MYO10: variants seen among roughly 807,000 people sequenced by gnomAD.
MYO10 encodes the protein unconventional myosin-X.
MYO10 carries 133 observed loss-of-function variants against 257.3 expected under a neutral mutation model. That is an observed-to-expected ratio of 0.52 (90% CI 0.45 to 0.60). The LOEUF is 0.60. Among genes scored for constraint, MYO10 ranks in the 20% least tolerant of loss-of-function variants. The pLI is 0.00. For synonymous variants in MYO10, 1,104 were observed against 1,028.6 expected, an observed-to-expected ratio of 1.07 and a Z score of -1.40; for missense variants, 2,399 against 2,635.7, an observed-to-expected ratio of 0.91 and a Z score of 1.97.
chr5:16,882,379 C>A (rs1185710068), intron 1 of MYO10, among the ~76,000 whole-genome samples: 3 of 151,972 alleles, frequency 2.0e-5, no homozygotes, highest in Non-Finnish European at 4.4e-5. Context: ...TAAACATAAT[C>A]TTATCATATA....
At chr5:16,812,246 G>GA (rs5866208) in intron 3 of MYO10, among the ~76,000 whole-genome samples, 36,116 of 152,120 alleles carry the variant, frequency 0.24, 5,135 homozygotes, top group East Asian at 0.4. Context: ...AAGAGCCTGG[G>GA]GTTCCAGGAA....
chr5:16,774,741 A>G (rs576623973), intron 9 of MYO10, among the ~76,000 whole-genome samples: 85 of 152,244 alleles, frequency 5.6e-4, no homozygotes, highest in Admixed American at 1.8e-3. Flanking sequence ...TTTATCAAGT[A>G]ATATTATATT....
Position 16,670,737 on chromosome 5 carries a change from C to T in MYO10, c.5672G>A (p.Arg1891Gln), listed in dbSNP as rs1032123768. The T allele has an allele frequency of 8.7e-6, 14 of 1,614,046 alleles. No individual in the cohort carries two copies. In the Admixed American group the frequency reaches 1.2e-4, roughly 13 times the overall value. Reference protein sequence around the residue: ...RTSFLEGTLRRSFRTGSVVRQ... With the variant: ...RTSFLEGTLRQSFRTGSVVRQ... ...GACCACGGATCCTGTCCGGAAGCTC[C>T]GCCTCAGGGTCCCCTCTAGGAAGCT... The change falls in exon 39 of 41, where the codon CGG (arginine) becomes CAG (glutamine). Residue 1891 changes from arginine to glutamine, a missense_variant. Coordinates refer to ENST00000513610, the MANE Select transcript of MYO10 (RefSeq NM_012334.3).
intron 2 of MYO10, among the ~76,000 whole-genome samples, chr5:16,854,854 A>T (rs538139338): frequency 6.6e-6 from 1 of 152,182 alleles, no homozygotes; most frequent in South Asian, 2.1e-4. Flanking sequence ...TAACATGGTG[A>T]AACTCTATCT....
chr5:16,913,939 A>G (rs966488004), intron 1 of MYO10, among the ~76,000 whole-genome samples: 2 of 152,174 alleles, frequency 1.3e-5, no homozygotes, highest in African/African-American at 4.8e-5. Context: ...CACGTGGGAT[A>G]CTACACTCAG....
At chr5:16,900,744 G>GTTGTTTTTTT (rs1554007452) in intron 1 of MYO10, among the ~76,000 whole-genome samples, 14,773 of 132,314 alleles carry the variant, frequency 0.11, 1,092 homozygotes, top group East Asian at 0.31. Context: ...CCTAAATCTT[G>GTTGTTTTTTT]TTTTTTTTTT....
chr5:16,813,706 G>A (rs1435153544), intron 3 of MYO10, among the ~76,000 whole-genome samples: 3 of 152,176 alleles, frequency 2.0e-5, no homozygotes, highest in Non-Finnish European at 4.4e-5. Context: ...GGTGATTATG[G>A]TTATGAAGCC....
intron 4 of MYO10, among the ~76,000 whole-genome samples, chr5:16,793,129 A>G (rs576968401): frequency 2.0e-5 from 3 of 152,100 alleles, no homozygotes; most frequent in Non-Finnish European, 4.4e-5. Context: ...ATGAATGAAG[A>G]AATGCTTGGC....
At chr5:16,881,561 C>CTGT (rs1208193854) in intron 1 of MYO10, among the ~76,000 whole-genome samples, 1 of 152,224 alleles carries the variant, frequency 6.6e-6, no homozygotes, top group Non-Finnish European at 1.5e-5. Context: ...TCACAAACAG[C>CTGT]TGTCTTCCAC....
intron 29 of MYO10, among the ~76,000 whole-genome samples, chr5:16,684,695 T>C (rs1351284081): frequency 2.7e-5 from 4 of 150,500 alleles, no homozygotes; most frequent in Non-Finnish European, 4.4e-5. Context: ...GAAATAAAAC[T>C]TGGTTTCCAA....
At chr5:16,741,018 A>G (rs1478045537) in intron 19 of MYO10, among the ~76,000 whole-genome samples, 1 of 152,216 alleles carries the variant, frequency 6.6e-6, no homozygotes, top group African/African-American at 2.4e-5. Flanking sequence ...ATGTAACTCG[A>G]TTTAATATGA....
chr5:16,668,270 C>T lies in MYO10; in HGVS notation c.6075+7G>A, dbSNP rs1736269222. On this transcript the variant is annotated splice_region_variant and intron_variant, in intron 40 of 40. Transcript: ENST00000513610. ...GAATAAAAAGATGAACTTGCTTTGC[C>T]TCTTACCTCACTGGTTTCAAAGAGC... 1.9e-6 allele frequency: 3 copies of T among 1,605,628 alleles called. No individual in the cohort carries two copies.
intron 3 of MYO10, among the ~76,000 whole-genome samples, chr5:16,795,120 C>A (rs1340896052): frequency 6.6e-6 from 1 of 152,210 alleles, no homozygotes; most frequent in Non-Finnish European, 1.5e-5. Context: ...GCTGACCTCA[C>A]CAATCTTAAT....
chr5:16,748,068 T>C (rs943663422), intron 19 of MYO10, among the ~76,000 whole-genome samples: 3 of 151,572 alleles, frequency 2.0e-5, no homozygotes, highest in Admixed American at 2.0e-4. Context: ...AAAGAAATAT[T>C]TTGTCTTTGT....
At position 16,754,913 on chromosome 5, in the gene MYO10, T is replaced by TAGAA. The variant is rs57269858; in HGVS notation, c.1849-9_1849-6dup. 7,213 of 1,563,020 alleles carry TAGAA rather than the reference T, an allele frequency of 4.6e-3. 308 individuals are homozygous for TAGAA. The African/African-American group carries it at 0.085, about 18-fold the overall frequency. On this transcript the variant is annotated splice_polypyrimidine_tract_variant and splice_region_variant and intron_variant, in intron 18 of 40. Coordinates refer to ENST00000513610, the MANE Select transcript of MYO10 (RefSeq NM_012334.3). ...CATTAAGGAATGCAGTGAGTCCTAT[T>TAGAA]AGAAAAAGTATATGTTGATTTAGTC...
At chr5:16,810,094 T>G (rs1028942548) in intron 3 of MYO10, among the ~76,000 whole-genome samples, 3 of 152,164 alleles carry the variant, frequency 2.0e-5, no homozygotes, top group African/African-American at 7.2e-5. Context: ...TGAGCTTGCC[T>G]TCGGTGCAAC....
At chr5:16,913,515 T>C (rs1745730864) in intron 1 of MYO10, among the ~76,000 whole-genome samples, 1 of 152,200 alleles carries the variant, frequency 6.6e-6, no homozygotes, top group Non-Finnish European at 1.5e-5. Flanking sequence ...AGTTTGTGAA[T>C]GAAGTCACTT....
intron 17 of MYO10, among the ~76,000 whole-genome samples, chr5:16,758,677 C>T (rs1277342716): frequency 6.6e-6 from 1 of 152,156 alleles, no homozygotes; most frequent in Non-Finnish European, 1.5e-5. Context: ...CCTGTCTCCC[C>T]ACTTCCCAGC....
chr5:16,673,614 T>G, intron 36 of MYO10, 68 bp downstream of exon 36: 1 of 1,510,508 alleles, frequency 6.6e-7, no homozygotes, highest in South Asian at 1.2e-5. Context: ...TGCTGCACAA[T>G]GTTCCTGACG....
Sources: allele counts gnomAD v4.1 joint callset (sites outside exome capture counted in the v4.1 genomes callset), GRCh38; gene constraint gnomAD v4.1.1; transcripts MANE v1.5; gene names NCBI Gene and HGNC (gene_info 2026-07-23, HGNC 2026-07-21).